The following INSL6 variants were observed in gnomAD, a reference collection of about 807,000 sequenced individuals.
The protein encoded by INSL6 is insulin-like peptide INSL6.
A neutral mutation model predicts 9.4 loss-of-function variants in INSL6; 16 were observed. That is an observed-to-expected ratio of 1.70 (90% CI 1.15 to 2.59). The LOEUF (loss-of-function observed/expected upper bound fraction) is 2.59. INSL6 is among the 30% of genes most tolerant of loss of function. INSL6 has a pLI of 0.00. For synonymous variants in INSL6, 154 were observed against 96.9 expected (o/e 1.59, Z -3.46); for missense variants, 391 against 257.3 (o/e 1.52, Z -3.56).
the INSL6 span, among the ~76,000 whole-genome samples, chr9:5,004,639 A>G: frequency 3.9e-3 from 593 of 152,254 alleles, 2 homozygotes; most frequent in African/African-American, 0.013. Flanking sequence ...TTTAGTTCCA[A>G]TACCCAGAAG....
the INSL6 span, among the ~76,000 whole-genome samples, chr9:5,113,174 G>A: frequency 7.6e-6 from 1 of 130,850 alleles, no homozygotes; most frequent in African/African-American, 2.9e-5. Flanking sequence ...TGGCCCTGTT[G>A]TCTGGGCTGG....
At chr9:5,074,733 G>A in the INSL6 span, among the ~76,000 whole-genome samples, 14 of 152,076 alleles carry the variant, frequency 9.2e-5, no homozygotes, top group African/African-American at 2.7e-4. Context: ...AGATTCACCC[G>A]TCTCTCACTT....
chr9:5,013,992 C>A, the INSL6 span, among the ~76,000 whole-genome samples: 4 of 152,006 alleles, frequency 2.6e-5, no homozygotes, highest in African/African-American at 7.2e-5. Flanking sequence ...TAATCTACTG[C>A]ATTACTTCTT....
the INSL6 span, among the ~76,000 whole-genome samples, chr9:5,061,358 A>G: frequency 6.6e-6 from 1 of 152,232 alleles, no homozygotes; most frequent in Non-Finnish European, 1.5e-5. Context: ...TTTTGTTTAC[A>G]TTTGAAAATC....
At chr9:5,060,135 A>G in the INSL6 span, among the ~76,000 whole-genome samples, 10 of 152,178 alleles carry the variant, frequency 6.6e-5, no homozygotes, top group Admixed American at 3.3e-4. Context: ...TTAAAAATTA[A>G]TTTAAAACAC....
At chr9:5,163,691 A>G (rs1186576625), downstream of INSL6, among the ~76,000 whole-genome samples, 1 of 152,170 alleles carries the variant, frequency 6.6e-6, no homozygotes, top group Non-Finnish European at 1.5e-5. Flanking sequence ...CATGGATCAA[A>G]CCATCTCCAG....
chr9:4,994,273 C>A, the INSL6 span, among the ~76,000 whole-genome samples: 2 of 152,172 alleles, frequency 1.3e-5, no homozygotes, highest in African/African-American at 4.8e-5. Flanking sequence ...CACTTAAAGT[C>A]ACAGTTTCCA....
intron 1 of INSL6, among the ~76,000 whole-genome samples, chr9:5,167,038 T>C (rs1825069069): frequency 6.6e-6 from 1 of 151,814 alleles, no homozygotes; most frequent in African/African-American, 2.4e-5. Context: ...GGATTCTGCA[T>C]CTTCAATTGA....
At chr9:5,003,731 CA>C in the INSL6 span, among the ~76,000 whole-genome samples, 28 of 151,996 alleles carry the variant, frequency 1.8e-4, no homozygotes, top group Non-Finnish European at 4.1e-4. Flanking sequence ...CCACAATGTC[CA>C]CTATGGTATT....
chr9:5,176,733 A>T (rs908794661), intron 1 of INSL6, among the ~76,000 whole-genome samples: 6 of 143,686 alleles, frequency 4.2e-5, no homozygotes, highest in Non-Finnish European at 4.5e-5. Flanking sequence ...AAAAAAAAAA[A>T]TGGTATAAGT....
chr9:5,053,612 C>G, the INSL6 span, among the ~76,000 whole-genome samples: 19 of 152,022 alleles, frequency 1.2e-4, no homozygotes, highest in Admixed American at 1.0e-3. Context: ...AGAAGCCAAA[C>G]TGGAATGAGT....
the INSL6 span, among the ~76,000 whole-genome samples, chr9:5,042,197 G>C: frequency 6.7e-6 from 1 of 148,498 alleles, no homozygotes; most frequent in African/African-American, 2.5e-5. Context: ...GACTGCAGTG[G>C]CGCAATCTCG....
chr9:5,049,592 A>T, the INSL6 span, among the ~76,000 whole-genome samples: 3 of 152,168 alleles, frequency 2.0e-5, no homozygotes, highest in Non-Finnish European at 4.4e-5. Context: ...TGCTTCCTAT[A>T]TCATGTCTGG....
At chr9:5,043,271 T>C in the INSL6 span, among the ~76,000 whole-genome samples, 7 of 151,868 alleles carry the variant, frequency 4.6e-5, no homozygotes, top group Non-Finnish European at 8.8e-5. Context: ...GGCGTTTACG[T>C]TTCTCTGATG....
At chr9:5,039,231 G>C in the INSL6 span, among the ~76,000 whole-genome samples, 2 of 152,182 alleles carry the variant, frequency 1.3e-5, no homozygotes, top group Admixed American at 1.3e-4. Context: ...TCATCCCGCT[G>C]TATCCATGGG....
chr9:5,050,502 C>T, the INSL6 span, among the ~76,000 whole-genome samples: 1 of 152,124 alleles, frequency 6.6e-6, no homozygotes, highest in Non-Finnish European at 1.5e-5. Flanking sequence ...AACTCCTGGG[C>T]TCAAGTGATC....
chr9:5,055,892 T>G, the INSL6 span: 1 of 1,072,150 alleles, frequency 9.3e-7, no homozygotes, highest in South Asian at 1.6e-5. Flanking sequence ...GAATTTTGAT[T>G]GTAGTTTTAA....
At chr9:5,031,399 A>T in the INSL6 span, among the ~76,000 whole-genome samples, 3 of 152,210 alleles carry the variant, frequency 2.0e-5, no homozygotes, top group African/African-American at 7.2e-5. Flanking sequence ...GGGCCAGTAT[A>T]TCTTGAAAGT....
the INSL6 span, among the ~76,000 whole-genome samples, chr9:5,062,159 A>C: frequency 6.6e-6 from 1 of 152,096 alleles, no homozygotes; most frequent in Non-Finnish European, 1.5e-5. Context: ...ATGGATGGAA[A>C]ATATAGTATT....
Sources: gnomAD v4.1 joint callset for allele counts (sites outside exome capture counted in the v4.1 genomes callset) on GRCh38, gnomAD v4.1.1 for gene constraint, MANE v1.5 for transcripts, NCBI Gene and HGNC (gene_info 2026-07-23, HGNC 2026-07-21) for gene names.